The following XYLT1 variants were observed in gnomAD, a reference collection of about 807,000 sequenced individuals.
XYLT1 encodes the protein xylosyltransferase 1.
A neutral mutation model predicts 91.3 loss-of-function variants in XYLT1; 36 were observed. The observed-to-expected ratio is 0.39, with a 90% confidence interval of 0.30 to 0.52. The LOEUF is 0.52. XYLT1 is among the 20% of genes least tolerant of loss of function. The pLI, the probability that XYLT1 is intolerant of heterozygous loss-of-function variation, is 0.68. For missense variants in XYLT1, 1,242 were observed against 1,284.5 expected, an observed-to-expected ratio of 0.97 and a Z score of 0.51; for synonymous variants, 588 against 532.0, an observed-to-expected ratio of 1.11 and a Z score of -1.45.
chr16:17,301,539 T>C (rs2034395234), intron 2 of XYLT1, among the ~76,000 whole-genome samples: 3 of 152,208 alleles, frequency 2.0e-5, no homozygotes, highest in Admixed American at 1.3e-4. Context: ...AATTAAATTT[T>C]TCTTCTTGGG....
rs888183274 is a variant in XYLT1, at chr16:17,220,633, C to T, written c.914-19979G>A. 7.2e-5 allele frequency among the ~76,000 whole-genome samples: 11 copies of T among 152,256 alleles called. 1 individual carries two copies. The highest frequency in any genetic ancestry group is 2.0e-4 in the Admixed American group (3 of 15,294). ...GATTACAGGTGTGTGCCACCACACT[C>T]GGCTACTTTTTATATCTTTAGTAGA... is the stretch of plus-strand genomic sequence containing the variant. On this transcript the variant is annotated intron_variant, in intron 3 of 11. Transcript: ENST00000261381.
chr16:17,332,932 A>T (rs1426643194), intron 2 of XYLT1, among the ~76,000 whole-genome samples: 1 of 152,158 alleles, frequency 6.6e-6, no homozygotes, highest in Non-Finnish European at 1.5e-5. Context: ...AGCAGTGGGT[A>T]ACAAGGGCAG....
chr16:17,347,805 A>T (rs2035164489), intron 2 of XYLT1, among the ~76,000 whole-genome samples: 1 of 152,196 alleles, frequency 6.6e-6, no homozygotes, highest in Non-Finnish European at 1.5e-5. Flanking sequence ...GTACAAAGAG[A>T]TTCTTTATAA....
At chr16:17,133,344 A>G (rs1221261360) in intron 9 of XYLT1, among the ~76,000 whole-genome samples, 1 of 152,138 alleles carries the variant, frequency 6.6e-6, no homozygotes, top group African/African-American at 2.4e-5. Flanking sequence ...AAAAAGAAGG[A>G]GAGTGATTAG....
intron 5 of XYLT1, among the ~76,000 whole-genome samples, chr16:17,176,140 G>A (rs1483762168): frequency 6.6e-6 from 1 of 152,150 alleles, no homozygotes; most frequent in South Asian, 2.1e-4. Context: ...GACAAACACT[G>A]AGCACTCATT....
intron 1 of XYLT1, among the ~76,000 whole-genome samples, chr16:17,413,461 C>T (rs2036139283): frequency 7.0e-6 from 1 of 143,146 alleles, no homozygotes; most frequent in Non-Finnish European, 1.5e-5. Flanking sequence ...TTTTTTGAGA[C>T]AGGGTCTCAC....
At chr16:17,113,290 C>T (rs1022267234) in intron 11 of XYLT1, among the ~76,000 whole-genome samples, 1 of 151,920 alleles carries the variant, frequency 6.6e-6, no homozygotes, top group Non-Finnish European at 1.5e-5. Flanking sequence ...TTCAGGCACC[C>T]GTCACCATGC....
At chr16:17,409,418 A>G (rs564920464) in intron 1 of XYLT1, among the ~76,000 whole-genome samples, 128 of 152,294 alleles carry the variant, frequency 8.4e-4, no homozygotes, top group African/African-American at 2.8e-3. Flanking sequence ...AATGATGTGC[A>G]TAATATTGAT....
intron 3 of XYLT1, among the ~76,000 whole-genome samples, chr16:17,241,169 G>A (rs1365584495): frequency 4.6e-5 from 7 of 152,210 alleles, no homozygotes; most frequent in Non-Finnish European, 1.0e-4. Context: ...CAGCCACTGG[G>A]GTCCTCCCCA....
In XYLT1 at chr16:17,317,978, A is replaced by T. The variant is rs1037042948; in HGVS notation, c.402+40034T>A. ...CAATGCTGGGATCAGTTAATTACCT[A>T]CCCCACACCAGTCATTACCCGTCTT... On this transcript the variant is annotated intron_variant, in intron 2 of 11. Coordinates refer to ENST00000261381, the MANE Select transcript of XYLT1 (RefSeq NM_022166.4). Among the ~76,000 whole-genome samples the T allele has an allele frequency of 1.4e-4, 21 of 152,078 alleles. 1 individual carries two copies. The highest frequency in any genetic ancestry group is 2.0e-4 in the Admixed American group (3 of 15,264).
chr16:17,258,905 T>G (rs963430467), intron 3 of XYLT1, 83 bp downstream of exon 3: 23 of 1,415,438 alleles, frequency 1.6e-5, no homozygotes, highest in African/African-American at 2.8e-5. Context: ...TCAGAAGGTC[T>G]GAGAAGGTGA....
intron 3 of XYLT1, among the ~76,000 whole-genome samples, chr16:17,209,622 G>A (rs539421298): frequency 6.6e-6 from 1 of 152,314 alleles, no homozygotes; most frequent in Non-Finnish European, 1.5e-5. Context: ...GTTAGCCTGG[G>A]TCTGCATCCC....
chr16:17,447,147 T>G (rs2036603163), intron 1 of XYLT1, among the ~76,000 whole-genome samples: 1 of 152,200 alleles, frequency 6.6e-6, no homozygotes, highest in African/African-American at 2.4e-5. Flanking sequence ...ATTTCTGGAC[T>G]CTGCCCAACA....
chr16:17,465,849 C>A (rs2036889939), intron 1 of XYLT1, among the ~76,000 whole-genome samples: 1 of 152,154 alleles, frequency 6.6e-6, no homozygotes, highest in African/African-American at 2.4e-5. Context: ...CATGAGTTCA[C>A]ATATATTGCT....
intron 11 of XYLT1, among the ~76,000 whole-genome samples, chr16:17,111,516 G>A (rs1966840776): frequency 6.6e-6 from 1 of 152,218 alleles, no homozygotes; most frequent in African/African-American, 2.4e-5. Flanking sequence ...GTGTTCAGAA[G>A]ACAGTGCTTC....
intron 8 of XYLT1, among the ~76,000 whole-genome samples, chr16:17,136,108 A>ACACAATACGCAGGGCAAT (rs1397538287): frequency 6.6e-6 from 1 of 152,240 alleles, no homozygotes; most frequent in African/African-American, 2.4e-5. Flanking sequence ...TACTGACCAC[A>ACACAATACGCAGGGCAAT]CACAATACGC....
chr16:17,136,600 T>C (rs2030730388), intron 8 of XYLT1, among the ~76,000 whole-genome samples: 1 of 151,988 alleles, frequency 6.6e-6, no homozygotes, highest in South Asian at 2.1e-4. Flanking sequence ...CACCAGCCCC[T>C]TGTTACCAGG....
intron 3 of XYLT1, among the ~76,000 whole-genome samples, chr16:17,223,750 C>T (rs2033014084): frequency 6.6e-6 from 1 of 152,222 alleles, no homozygotes; most frequent in African/African-American, 2.4e-5. Flanking sequence ...AGACATTATA[C>T]ACTGGTGGCT....
intron 10 of XYLT1, 88 bp downstream of exon 10, chr16:17,127,578 C>T: frequency 6.9e-7 from 1 of 1,457,228 alleles, no homozygotes; most frequent in Non-Finnish European, 9.3e-7. Flanking sequence ...TCTCCTCCAT[C>T]TCCAACTAGA....
Sources: allele counts gnomAD v4.1 joint callset (sites outside exome capture counted in the v4.1 genomes callset), GRCh38; gene constraint gnomAD v4.1.1; transcripts MANE v1.5; gene names NCBI Gene and HGNC (gene_info 2026-07-23, HGNC 2026-07-21).